The following INPP4A variants were observed in gnomAD, a reference collection of about 807,000 sequenced individuals.
INPP4A encodes the protein inositol polyphosphate-4-phosphatase type I A, also known as inositol polyphosphate-4-phosphatase, type I, 107kD.
In INPP4A, 33 loss-of-function variants were observed where a neutral mutation model predicts 119.8. That is an observed-to-expected ratio of 0.28 (90% CI 0.21 to 0.37). INPP4A has a LOEUF of 0.37. Ranked by LOEUF, INPP4A falls within the 10% of genes least tolerant of loss-of-function variation. The pLI is 1.00. For synonymous variants in INPP4A, 496 were observed against 500.7 expected, an observed-to-expected ratio of 0.99 and a Z score of 0.12; for missense variants, 956 against 1,289.9, an observed-to-expected ratio of 0.74 and a Z score of 3.97.
chr2:98,492,332 T>C (rs973277316), intron 1 of INPP4A, among the ~76,000 whole-genome samples: 2 of 152,222 alleles, frequency 1.3e-5, no homozygotes, highest in Non-Finnish European at 2.9e-5. Flanking sequence ...CTGTCTGTAG[T>C]ACATGATAGA....
At chr2:98,576,329 T>A (rs1698407951) in intron 23 of INPP4A, among the ~76,000 whole-genome samples, 2 of 152,178 alleles carry the variant, frequency 1.3e-5, no homozygotes, top group Admixed American at 6.5e-5. Flanking sequence ...GTCCAGAGGC[T>A]GCCCTGCCCC....
chr2:98,539,393 C>T (rs1042969065), intron 9 of INPP4A, 135 bp from the exon 10 acceptor site: 12 of 943,250 alleles, frequency 1.3e-5, no homozygotes, highest in African/African-American at 8.5e-5. Context: ...TCGGTGTAAG[C>T]GTTTTAATTC....
intron 13 of INPP4A, among the ~76,000 whole-genome samples, chr2:98,550,286 G>A (rs762563224): frequency 5.3e-5 from 8 of 152,092 alleles, no homozygotes; most frequent in Non-Finnish European, 8.8e-5. Flanking sequence ...GAGTGTCCCT[G>A]CCTGGAGACT....
intron 4 of INPP4A, among the ~76,000 whole-genome samples, chr2:98,525,553 TAAG>T (rs1173713055): frequency 6.6e-6 from 1 of 152,118 alleles, no homozygotes; most frequent in African/African-American, 2.4e-5. Flanking sequence ...TTCATCAAAA[TAAG>T]AAATTGCTGT....
chr2:98,538,065 C>T (rs1009090085), intron 8 of INPP4A, 91 bp downstream of exon 8: 5 of 817,322 alleles, frequency 6.1e-6, no homozygotes, highest in Admixed American at 2.2e-5. Context: ...CCTCTGTGCT[C>T]AGCAAAGGGC....
chr2:98,521,983 T>C (rs1181893525), intron 4 of INPP4A, among the ~76,000 whole-genome samples: 1 of 151,800 alleles, frequency 6.6e-6, no homozygotes, highest in East Asian at 1.9e-4. Context: ...GCAGAAAGTT[T>C]TAAAGAAATA....
intron 4 of INPP4A, among the ~76,000 whole-genome samples, chr2:98,532,802 C>G (rs1395489205): frequency 1.3e-5 from 2 of 152,152 alleles, no homozygotes; most frequent in South Asian, 4.1e-4. Flanking sequence ...ATCTGTGAGA[C>G]CATTGTCATA....
intron 13 of INPP4A, among the ~76,000 whole-genome samples, chr2:98,551,250 G>A (rs902393864): frequency 2.0e-5 from 3 of 152,208 alleles, no homozygotes; most frequent in Non-Finnish European, 4.4e-5. Context: ...ATGCTTGGCT[G>A]AATTGATTTT....
At chr2:98,448,709 C>CTT (rs1211225577) in intron 1 of INPP4A, among the ~76,000 whole-genome samples, 25 of 76,810 alleles carry the variant, frequency 3.3e-4, no homozygotes, top group Admixed American at 4.2e-4. Flanking sequence ...CTCTCTCTCT[C>CTT]TTTTTTTTTT....
chr2:98,578,102 A>C lies in INPP4A; in HGVS notation c.2786+959A>C, dbSNP rs979375802. 6.6e-5 allele frequency among the ~76,000 whole-genome samples: 10 copies of C among 152,112 alleles called. 1 individual carries two copies. Among genetic ancestry groups the C allele is most frequent in the Admixed American group, 2.6e-4 (4 of 15,274 alleles). On this transcript the variant is annotated intron_variant, in intron 24 of 24. Transcript: ENST00000409851. ...CGTTTTGTCCCGTTTTGTCTTTCCA[A>C]GTTCATCTCAACCTCTCTGTTAAAG...
chr2:98,537,763 C>A, intron 7 of INPP4A, 100 bp from the exon 8 acceptor site: 1 of 861,404 alleles, frequency 1.2e-6, no homozygotes, highest in Non-Finnish European at 1.9e-6. Flanking sequence ...GCCCTGCTGC[C>A]CCCAGGACCC....
intron 1 of INPP4A, among the ~76,000 whole-genome samples, chr2:98,453,089 A>G (rs1695512975): frequency 6.6e-6 from 1 of 152,248 alleles, no homozygotes; most frequent in African/African-American, 2.4e-5. Flanking sequence ...GGTGAAATAA[A>G]TAGCCACCTC....
chr2:98,500,115 G>A (rs1682822459), intron 1 of INPP4A, among the ~76,000 whole-genome samples: 1 of 152,194 alleles, frequency 6.6e-6, no homozygotes. Context: ...TTTTGCCCGT[G>A]TATCTCATTT....
intron 1 of INPP4A, among the ~76,000 whole-genome samples, chr2:98,473,461 G>A (rs1362459779): frequency 6.6e-6 from 1 of 151,742 alleles, no homozygotes; most frequent in African/African-American, 2.4e-5. Flanking sequence ...GACAGTGTGG[G>A]GACAGTGGAG....
intron 19 of INPP4A, among the ~76,000 whole-genome samples, 178 bp downstream of exon 19, chr2:98,564,941 G>A (rs1696163253): frequency 6.6e-6 from 1 of 152,250 alleles, no homozygotes; most frequent in Non-Finnish European, 1.5e-5. Flanking sequence ...TTGGTTTGTT[G>A]TTGTTGCTGG....
At chr2:98,535,431 T>G (rs909978224) in intron 5 of INPP4A, among the ~76,000 whole-genome samples, 8 of 152,248 alleles carry the variant, frequency 5.3e-5, no homozygotes, top group Admixed American at 5.2e-4. Context: ...TTTTTAAAAA[T>G]TCCTCCTGTT....
chr2:98,512,429 A>G (rs1237507237), intron 1 of INPP4A, among the ~76,000 whole-genome samples: 3 of 152,346 alleles, frequency 2.0e-5, no homozygotes, highest in East Asian at 1.9e-4. Context: ...TGCTACTCCA[A>G]CAACATACCA....
At chr2:98,537,489 A>G (rs1690534202) in intron 7 of INPP4A, among the ~76,000 whole-genome samples, 1 of 152,192 alleles carries the variant, frequency 6.6e-6, no homozygotes, top group South Asian at 2.1e-4. Context: ...GGGCCAGAAC[A>G]AGGTGTTCTG....
intron 1 of INPP4A, among the ~76,000 whole-genome samples, chr2:98,511,357 T>G (rs1685093503): frequency 6.6e-6 from 1 of 152,226 alleles, no homozygotes; most frequent in African/African-American, 2.4e-5. Context: ...TTGATTTTTC[T>G]AAAGCACATT....
Sources: gnomAD v4.1 joint callset for allele counts (sites outside exome capture counted in the v4.1 genomes callset) on GRCh38, gnomAD v4.1.1 for gene constraint, MANE v1.5 for transcripts, NCBI Gene and HGNC (gene_info 2026-07-23, HGNC 2026-07-21) for gene names.